CAB39: variants seen among roughly 807,000 people sequenced by gnomAD.
CAB39 encodes the protein calcium binding protein 39, also known as calcium-binding protein 39.
A neutral mutation model predicts 40.0 loss-of-function variants in CAB39; 8 were observed. The ratio of observed to expected loss-of-function variants is 0.20; its 90% CI spans 0.12 to 0.36. The LOEUF (loss-of-function observed/expected upper bound fraction) is 0.36. Ranked by LOEUF, CAB39 falls within the 10% of genes least tolerant of loss-of-function variation. The probability of loss-of-function intolerance (pLI) is 1.00; values close to 1 mark genes in which losing one functional copy is unlikely to be tolerated. For synonymous variants in CAB39, 156 were observed against 141.6 expected, an observed-to-expected ratio of 1.10 and a Z score of -0.72; for missense variants, 270 against 401.1, an observed-to-expected ratio of 0.67 and a Z score of 2.79.
intron 1 of CAB39, among the ~76,000 whole-genome samples, chr2:230,755,382 T>C (rs1247847844): frequency 1.3e-5 from 2 of 152,262 alleles, no homozygotes; most frequent in East Asian, 3.8e-4. Flanking sequence ...TGCATTTCCC[T>C]GATCATTAGT....
chr2:230,745,516 T>G (rs1467415093), intron 1 of CAB39, among the ~76,000 whole-genome samples: 2 of 152,242 alleles, frequency 1.3e-5, no homozygotes. Context: ...GCAGCATATA[T>G]CTGAGATTTA....
intron 2 of CAB39, among the ~76,000 whole-genome samples, chr2:230,780,439 T>G: frequency 6.6e-6 from 1 of 152,234 alleles, no homozygotes. Flanking sequence ...AACCAAAATC[T>G]AATTCAGGAT....
At chr2:230,727,862 A>G (rs957016966) in intron 1 of CAB39, among the ~76,000 whole-genome samples, 4 of 152,208 alleles carry the variant, frequency 2.6e-5, no homozygotes, top group African/African-American at 4.8e-5. Flanking sequence ...TATAAATTAT[A>G]TGTTCTCTTT....
intron 1 of CAB39, among the ~76,000 whole-genome samples, chr2:230,751,451 T>C (rs1383087528): frequency 6.6e-6 from 1 of 152,230 alleles, no homozygotes; most frequent in African/African-American, 2.4e-5. Flanking sequence ...GACTGGCTTA[T>C]GGACCTTTTG....
intron 1 of CAB39, among the ~76,000 whole-genome samples, chr2:230,726,540 T>G (rs1694575901): frequency 6.6e-6 from 1 of 152,100 alleles, no homozygotes. Flanking sequence ...CTTTGGCACA[T>G]AAGTCACATA....
chr2:230,724,803 T>C (rs1290646506), intron 1 of CAB39, among the ~76,000 whole-genome samples: 10 of 150,622 alleles, frequency 6.6e-5, no homozygotes, highest in African/African-American at 2.0e-4. Context: ...TAAAAAACTT[T>C]ACAAGGACAG....
At chr2:230,813,635 TGTTTATATAAAATA>T (rs2124983724) in intron 6 of CAB39, among the ~76,000 whole-genome samples, 1 of 152,320 alleles carries the variant, frequency 6.6e-6, no homozygotes, top group Non-Finnish European at 1.5e-5. Context: ...ATTGAATTCT[TGTTTATATAAAATA>T]CGAGTTTTTC....
chr2:230,804,734 AAGTC>A (rs1269779042), intron 5 of CAB39, among the ~76,000 whole-genome samples: 1 of 152,344 alleles, frequency 6.6e-6, no homozygotes, highest in Non-Finnish European at 1.5e-5. Context: ...GATCATTAAA[AAGTC>A]AGGAAACAAC....
chr2:230,790,741 C>T, intron 2 of CAB39, 131 bp from the exon 3 acceptor site: 1 of 741,346 alleles, frequency 1.3e-6, no homozygotes. Flanking sequence ...GGAGCTTGCC[C>T]ACTTTGCTTC....
intron 2 of CAB39, among the ~76,000 whole-genome samples, chr2:230,771,810 G>A (rs188982845): frequency 1.4e-3 from 212 of 152,314 alleles, no homozygotes; most frequent in African/African-American, 4.8e-3. Context: ...ATGGAACATT[G>A]ATTTTTGACA....
intron 1 of CAB39, among the ~76,000 whole-genome samples, chr2:230,748,827 AAAAAATAT>A (rs1488318973): frequency 1.2e-3 from 69 of 56,462 alleles, no homozygotes; most frequent in African/African-American, 3.4e-3. Context: ...AAAAAAAAAA[AAAAAATAT>A]ATATATATAT....
At chr2:230,749,507 C>T (rs1161786941) in intron 1 of CAB39, among the ~76,000 whole-genome samples, 3 of 152,172 alleles carry the variant, frequency 2.0e-5, no homozygotes, top group Admixed American at 2.0e-4. Context: ...TTCATGTTCT[C>T]ACTACCCATT....
At chr2:230,737,590 G>A (rs958658715) in intron 1 of CAB39, among the ~76,000 whole-genome samples, 4 of 152,090 alleles carry the variant, frequency 2.6e-5, no homozygotes, top group African/African-American at 9.7e-5. Flanking sequence ...CGAATATTTT[G>A]TTTAGTCCTC....
At chr2:230,785,763 T>C (rs1034322438) in intron 2 of CAB39, among the ~76,000 whole-genome samples, 2 of 151,892 alleles carry the variant, frequency 1.3e-5, no homozygotes, top group Admixed American at 1.3e-4. Context: ...GGTGCAATCA[T>C]AGCTCACTGC....
At position 230,819,852 on chromosome 2, in the gene CAB39, T is replaced by C. The variant is rs1244289716; in HGVS notation, c.*1148T>C. 2 of 152,568 alleles carry C rather than the reference T, an allele frequency of 1.3e-5. No homozygotes were observed. Among genetic ancestry groups the C allele is most frequent in the East Asian group, 3.8e-4 (2 of 5,204 alleles). 9.5% of individuals were successfully genotyped at this position (152,568 alleles called of 1,614,324 possible). A position where few individuals can be genotyped will look rare whatever the true frequency, so the allele number is the denominator to read the frequency against. On this transcript the variant is annotated 3_prime_UTR_variant, in exon 9 of 9. Transcript: ENST00000258418. The stretch of plus-strand genomic sequence containing the variant: ...GAGATTATGCTAAATTAATGCTGAT[T>C]CTTTGTGTGTGTGGGAAATCTCTGT...
chr2:230,818,761 C>A lies in CAB39; in HGVS notation c.*57C>A. The A allele has an allele frequency of 7.5e-7, 1 of 1,336,930 alleles. No individual in the cohort carries two copies. The highest frequency in any genetic ancestry group is 1.3e-5 in the South Asian group (1 of 79,048). The allele number at this position is 1,336,930 out of a possible 1,614,324, so 82.8% of individuals were successfully genotyped here. On this transcript the variant is annotated 3_prime_UTR_variant, in exon 9 of 9. Coordinates refer to ENST00000258418, the MANE Select transcript of CAB39 (RefSeq NM_016289.4). ...TCAGCATTTGCTGTTAGCTATTCAG[C>A]ATCAGGCACTCTTATTGATTCATGA...
At chr2:230,769,678 A>G (rs1020629114) in intron 2 of CAB39, among the ~76,000 whole-genome samples, 1 of 152,168 alleles carries the variant, frequency 6.6e-6, no homozygotes, top group Non-Finnish European at 1.5e-5. Flanking sequence ...ATCAAAGAAG[A>G]TATTAGAAAG....
chr2:230,795,172 A>G (rs1214725613), intron 4 of CAB39, among the ~76,000 whole-genome samples: 1 of 151,772 alleles, frequency 6.6e-6, no homozygotes, highest in East Asian at 1.9e-4. Flanking sequence ...GCTATTCGGG[A>G]GGCTGAGGCA....
Position 230,793,343 on chromosome 2 carries a change from G to A in CAB39, c.398+12G>A, listed in dbSNP as rs1695923589. On this transcript the variant is annotated intron_variant, in intron 4 of 8. Transcript: ENST00000258418. ...ATGTTATTGAAAGGGTATGTACAAT[G>A]TAATAAAATTTGTATTCTCAGTTGA... is the stretch of plus-strand genomic sequence containing the variant. 7.6e-7 allele frequency: 1 copy of A among 1,318,252 alleles called. No homozygotes were observed. Among genetic ancestry groups the A allele is most frequent in the South Asian group, 1.5e-5 (1 of 68,708 alleles). 81.7% of individuals were successfully genotyped at this position (1,318,252 alleles called of 1,614,324 possible). A position where few individuals can be genotyped will look rare whatever the true frequency, so the allele number is the denominator to read the frequency against.
Sources: allele counts gnomAD v4.1 joint callset (sites outside exome capture counted in the v4.1 genomes callset), GRCh38; gene constraint gnomAD v4.1.1; transcripts MANE v1.5; gene names NCBI Gene and HGNC (gene_info 2026-07-23, HGNC 2026-07-21).